Variants in PREP observed in about 807,000 individuals in gnomAD.
The protein encoded by PREP is prolyl endopeptidase.
A neutral mutation model predicts 87.6 loss-of-function variants in PREP; 29 were observed. The ratio of observed to expected loss-of-function variants is 0.33; its 90% confidence interval spans 0.25 to 0.45. The LOEUF (loss-of-function observed/expected upper bound fraction) is 0.45. PREP is among the 20% of genes least tolerant of loss of function. PREP has a pLI of 1.00. For synonymous variants in PREP, 337 were observed against 328.6 expected (o/e 1.03, Z -0.28); for missense variants, 695 against 886.5 (o/e 0.78, Z 2.74).
At chr6:105,352,579 G>A in intron 7 of PREP, among the ~76,000 whole-genome samples, 1 of 152,096 alleles carries the variant, frequency 6.6e-6, no homozygotes, top group South Asian at 2.1e-4. Context: ...TCCAACTCCT[G>A]GCCCCAAGCT....
intron 6 of PREP, among the ~76,000 whole-genome samples, chr6:105,362,908 CTG>C (rs1258524205): frequency 6.6e-6 from 1 of 152,212 alleles, no homozygotes; most frequent in South Asian, 2.1e-4. Flanking sequence ...CTGGACTTTT[CTG>C]TGTCTGTTCT....
chr6:105,308,065 T>C (rs992900895), intron 10 of PREP, among the ~76,000 whole-genome samples: 1 of 152,210 alleles, frequency 6.6e-6, no homozygotes, highest in Non-Finnish European at 1.5e-5. Flanking sequence ...CTTAGACTAA[T>C]GCAGCATTCA....
chr6:105,341,651 T>A (rs1168913162), intron 7 of PREP, among the ~76,000 whole-genome samples: 1 of 151,870 alleles, frequency 6.6e-6, no homozygotes, highest in Non-Finnish European at 1.5e-5. Context: ...GCAAGACTAA[T>A]AAAGTAGAAA....
chr6:105,378,608 C>T (rs979984206), intron 2 of PREP, among the ~76,000 whole-genome samples: 4 of 152,114 alleles, frequency 2.6e-5, no homozygotes, highest in African/African-American at 9.7e-5. Flanking sequence ...TGAGTTGTAT[C>T]CAAGCACACC....
Position 105,278,127 on chromosome 6 carries a change from G to A in PREP, c.*17C>T. On this transcript the variant is annotated 3_prime_UTR_variant, in exon 15 of 15. Transcript: ENST00000652536. This position sits in a 1 kb window ranked among gnomAD's most constrained non-coding sequence, Gnocchi z 4.2. ...TTGAGGTTTTCTGTCGCTGTCAGGA[G>A]GAAGCACGAAAACTGTTTATGGAAT... The A allele has an allele frequency of 6.3e-7, 1 of 1,595,330 alleles. No individual in the cohort carries two copies. The highest frequency in any genetic ancestry group is 8.6e-7 in the Non-Finnish European group (1 of 1,167,152).
intron 7 of PREP, among the ~76,000 whole-genome samples, chr6:105,335,719 G>A (rs986715280): frequency 5.9e-5 from 9 of 151,922 alleles, no homozygotes; most frequent in South Asian, 2.1e-4. Flanking sequence ...GTGAAACCCC[G>A]TCTTTACTAA....
At chr6:105,372,350 G>A (rs186999844) in intron 5 of PREP, among the ~76,000 whole-genome samples, 57 of 152,266 alleles carry the variant, frequency 3.7e-4, no homozygotes, top group African/African-American at 1.3e-3. Context: ...GCAAATTACT[G>A]AGCCTCTGTG....
At chr6:105,337,874 T>C (rs1001058724) in intron 7 of PREP, among the ~76,000 whole-genome samples, 1 of 152,210 alleles carries the variant, frequency 6.6e-6, no homozygotes. Context: ...AAAAGGTTCA[T>C]AGAACTCTGC....
Position 105,333,323 on chromosome 6 carries a change from C to T in PREP, c.1006G>A (p.Asp336Asn), listed in dbSNP as rs1320066002. 6.2e-7 allele frequency: 1 copy of T among 1,613,800 alleles called. No individual in the cohort carries two copies. The highest frequency in any genetic ancestry group is 8.5e-7 in the Non-Finnish European group (1 of 1,179,694). Residue 336 changes from aspartate to asparagine, a missense_variant, in exon 8 of 15, where the codon GAT (aspartate) becomes AAT (asparagine). By Grantham distance (23) the Asp-to-Asn change is conservative (BLOSUM62 1). Transcript: ENST00000652536. ...TCACATGTGTTCTCACCTAAGACATCTTTCTCATGCTCAGGAACAAGTACT... is the reference window on the plus strand; with the variant it reads ...TCACATGTGTTCTCACCTAAGACATTTTTCTCATGCTCAGGAACAAGTACT... The part of the protein sequence containing the change: ...WKVLVPEHEK[D>N]VLEWIACVRS...
At chr6:105,340,364 GC>G (rs540156646) in intron 7 of PREP, among the ~76,000 whole-genome samples, 36 of 152,176 alleles carry the variant, frequency 2.4e-4, no homozygotes, top group South Asian at 4.2e-4. Context: ...TCACCACCAG[GC>G]CTGCCTTAAA....
intron 6 of PREP, among the ~76,000 whole-genome samples, chr6:105,353,300 T>A (rs1026802037): frequency 1.3e-5 from 2 of 152,220 alleles, no homozygotes; most frequent in Non-Finnish European, 2.9e-5. Flanking sequence ...ATTATTTTAG[T>A]TGAAAATATC....
intron 4 of PREP, among the ~76,000 whole-genome samples, chr6:105,374,549 A>C (rs1031401991): frequency 2.0e-5 from 3 of 151,106 alleles, no homozygotes; most frequent in African/African-American, 7.3e-5. Flanking sequence ...ATGTATGTAA[A>C]TGCAGAAAAG....
chr6:105,333,708 A>G (rs1771403228), intron 7 of PREP, among the ~76,000 whole-genome samples: 1 of 152,158 alleles, frequency 6.6e-6, no homozygotes, highest in Admixed American at 6.5e-5. Flanking sequence ...CCCAGCAAGG[A>G]CGGGGGAATG....
chr6:105,378,170 C>T (rs1259971387), intron 2 of PREP, among the ~76,000 whole-genome samples: 1 of 152,142 alleles, frequency 6.6e-6, no homozygotes, highest in Non-Finnish European at 1.5e-5. Context: ...ATTGAAAAAA[C>T]ATTGGAGGCC....
chr6:105,368,774 A>G, intron 6 of PREP, 129 bp downstream of exon 6: 1 of 1,161,270 alleles, frequency 8.6e-7, no homozygotes, highest in Non-Finnish European at 1.2e-6. Context: ...GAATACCAAT[A>G]TTTTTAACAA....
intron 13 of PREP, 38 bp from the exon 14 acceptor site, chr6:105,281,940 A>C: frequency 6.2e-7 from 1 of 1,603,868 alleles, no homozygotes; most frequent in Non-Finnish European, 8.5e-7. Context: ...GAGGCAGTCT[A>C]TCATTAAACA....
chr6:105,277,338 G>C lies in PREP; in HGVS notation c.*806C>G, dbSNP rs1282113904. On this transcript the variant is annotated 3_prime_UTR_variant, in exon 15 of 15. Transcript: ENST00000652536. Reference sequence around the variant, plus strand: ...GATCTCTTGGAACCAAGGATCCTTGGATCCAAGGAACTCTGATTTCTAGGA... The same window carrying C: ...GATCTCTTGGAACCAAGGATCCTTGCATCCAAGGAACTCTGATTTCTAGGA... Among the ~76,000 whole-genome samples, 1 of 152,036 alleles carries C rather than the reference G, an allele frequency of 6.6e-6. No homozygotes were observed. Among genetic ancestry groups the C allele is most frequent in the East Asian group, 1.9e-4 (1 of 5,186 alleles).
intron 10 of PREP, among the ~76,000 whole-genome samples, chr6:105,292,709 C>T (rs1770325082): frequency 6.6e-6 from 1 of 152,208 alleles, no homozygotes. Context: ...GATATCTTCT[C>T]CCAATATAAG....
At chr6:105,310,648 C>T (rs1770741719) in intron 10 of PREP, among the ~76,000 whole-genome samples, 1 of 152,206 alleles carries the variant, frequency 6.6e-6, no homozygotes. Flanking sequence ...TTTGCTAGCT[C>T]TTCCTCCTTC....
Sources: allele counts gnomAD v4.1 joint callset (sites outside exome capture counted in the v4.1 genomes callset), GRCh38; gene constraint gnomAD v4.1.1; non-coding constraint Gnocchi (gnomAD v3.1); transcripts MANE v1.5; gene names NCBI Gene and HGNC (gene_info 2026-07-23, HGNC 2026-07-21).